The following MSH3 variants were observed in gnomAD, a reference collection of about 807,000 sequenced individuals.
MSH3 encodes DNA mismatch repair protein Msh3.
MSH3 carries 106 observed loss-of-function variants against 123.3 expected under a neutral mutation model. That is an observed-to-expected ratio of 0.86 (90% confidence interval 0.73 to 1.01). MSH3 has a LOEUF of 1.01. Ranked by LOEUF, MSH3 falls within the 50% of genes least tolerant of loss-of-function variation. MSH3 has a pLI of 0.00. For missense variants in MSH3, 1,459 were observed against 1,347.6 expected, an observed-to-expected ratio of 1.08 and a Z score of -1.29; for synonymous variants, 515 against 481.4, an observed-to-expected ratio of 1.07 and a Z score of -0.91.
chr5:80,812,935 A>G (rs971283951), intron 19 of MSH3, among the ~76,000 whole-genome samples: 2 of 152,218 alleles, frequency 1.3e-5, no homozygotes, highest in African/African-American at 4.8e-5. Flanking sequence ...GCCCTGGGCT[A>G]ACTCCTCTGC....
chr5:80,840,885 T>A (rs10039831), intron 20 of MSH3, among the ~76,000 whole-genome samples: 9,952 of 151,064 alleles, frequency 0.066, 438 homozygotes, highest in South Asian at 0.12. Flanking sequence ...GTGCCACATT[T>A]TTTTTTAAAT....
In MSH3 at chr5:80,873,224, G is replaced by T; in HGVS notation, c.3239G>T (p.Gly1080Val). The T allele has an allele frequency of 6.2e-7, 1 of 1,613,982 alleles. No homozygotes were observed. The highest frequency in any genetic ancestry group is 8.5e-7 in the Non-Finnish European group (1 of 1,179,952). The change falls in exon 23 of 24, where the codon GGA becomes GTA. Residue 1080 changes from glycine (G) to valine (V), a missense_variant. By Grantham distance (109) the Gly-to-Val change is moderately radical. Transcript: ENST00000265081. ...LNVAKLADVP[G>V]EILKKAAHKS... Reference sequence around the variant, plus strand: ...GTGGCTAAACTAGCAGATGTTCCTGGAGAAATTTTGAAGAAAGCAGCTCAC... The same window carrying T: ...GTGGCTAAACTAGCAGATGTTCCTGTAGAAATTTTGAAGAAAGCAGCTCAC...
intron 8 of MSH3, among the ~76,000 whole-genome samples, chr5:80,705,676 A>C (rs908506446): frequency 6.6e-6 from 1 of 152,206 alleles, no homozygotes; most frequent in Non-Finnish European, 1.5e-5. Context: ...CAAAGTATGA[A>C]CAGTATTGGC....
chr5:80,821,941 G>A (rs376179656), intron 20 of MSH3, among the ~76,000 whole-genome samples: 17 of 152,348 alleles, frequency 1.1e-4, no homozygotes, highest in East Asian at 5.8e-4. Context: ...GTGGCCTTGT[G>A]TCTTCTGCCG....
At chr5:80,838,649 A>AT (rs1283776879) in intron 20 of MSH3, among the ~76,000 whole-genome samples, 1 of 152,152 alleles carries the variant, frequency 6.6e-6, no homozygotes, top group Non-Finnish European at 1.5e-5. Context: ...GGATTAATAC[A>AT]TTCATGAAAA....
chr5:80,718,801 C>A (rs1479085519), intron 8 of MSH3, among the ~76,000 whole-genome samples: 1 of 152,034 alleles, frequency 6.6e-6, no homozygotes, highest in Non-Finnish European at 1.5e-5. Context: ...ATTATGAACC[C>A]AAGGGCCTAA....
At chr5:80,817,804 A>G (rs139974150) in intron 20 of MSH3, among the ~76,000 whole-genome samples, 8 of 152,300 alleles carry the variant, frequency 5.3e-5, no homozygotes, top group African/African-American at 1.9e-4. Flanking sequence ...CCCCTGATGT[A>G]ATAACAGATT....
intron 8 of MSH3, among the ~76,000 whole-genome samples, chr5:80,715,782 C>T (rs140442630): frequency 3.3e-4 from 50 of 152,150 alleles, no homozygotes; most frequent in African/African-American, 1.1e-3. Context: ...ACAACCAGAT[C>T]TCATGAGAAC....
rs1746300866 is a variant in MSH3, at chr5:80,875,884, CA to C, written c.*28del. On this transcript the variant is annotated 3_prime_UTR_variant, in exon 24 of 24. Coordinates refer to ENST00000265081, the MANE Select transcript of MSH3 (RefSeq NM_002439.5). ...TTAAAATGAAGACTACATTTGTGAACAAAAAATGGAGAATTAAAAATACCAA... is the reference window on the plus strand; with the variant it reads ...TTAAAATGAAGACTACATTTGTGAACAAAAATGGAGAATTAAAAATACCAA... The C allele has an allele frequency of 7.1e-7, 1 of 1,409,430 alleles. No individual in the cohort carries two copies. The highest frequency in any genetic ancestry group is 1.2e-5 in the South Asian group (1 of 85,956). 87.3% of individuals were successfully genotyped at this position (1,409,430 alleles called of 1,614,324 possible).
intron 19 of MSH3, among the ~76,000 whole-genome samples, chr5:80,797,903 C>T (rs1482811724): frequency 6.6e-6 from 1 of 152,086 alleles, no homozygotes; most frequent in Non-Finnish European, 1.5e-5. Flanking sequence ...GAAACCCCAG[C>T]GAACCCACTG....
intron 20 of MSH3, among the ~76,000 whole-genome samples, chr5:80,833,097 T>A (rs1745447793): frequency 6.6e-6 from 1 of 152,196 alleles, no homozygotes; most frequent in Non-Finnish European, 1.5e-5. Context: ...TCCACAATGC[T>A]TTATTAAGCT....
intron 10 of MSH3, among the ~76,000 whole-genome samples, chr5:80,731,185 G>C (rs1743405852): frequency 6.6e-6 from 1 of 152,060 alleles, no homozygotes; most frequent in South Asian, 2.1e-4. Flanking sequence ...TTACAGGTGT[G>C]AGCCACCGTG....
chr5:80,868,867 T>C lies in MSH3; in HGVS notation c.3130+3925T>C, dbSNP rs1274151149. ...ATTGAAAACCATTTCACTCAGAATTTTGAAGCAGTGCTCCACTGCCTGCTG... is the reference window on the plus strand; with the variant it reads ...ATTGAAAACCATTTCACTCAGAATTCTGAAGCAGTGCTCCACTGCCTGCTG... On this transcript the variant is annotated intron_variant, in intron 22 of 23. Transcript: ENST00000265081. Among the ~76,000 whole-genome samples the C allele has an allele frequency of 2.0e-5, 3 of 152,060 alleles. No individual in the cohort carries two copies. In the East Asian group the frequency reaches 5.8e-4, roughly 29 times the overall value.
At chr5:80,776,901 AT>A (rs1744312458) in intron 16 of MSH3, among the ~76,000 whole-genome samples, 1 of 145,940 alleles carries the variant, frequency 6.9e-6, no homozygotes, top group Non-Finnish European at 1.5e-5. Flanking sequence ...TATACAAAAA[AT>A]ATAATACAAA....
chr5:80,849,871 A>T lies in MSH3; in HGVS notation c.2814-4259A>T, dbSNP rs1245344560. On this transcript the variant is annotated intron_variant, in intron 20 of 23. Transcript: ENST00000265081. ...ATGCAAATTTCTGCACCTGGCTTGA[A>T]TTTCTCCTCAGAAAATGGGATTTTC... 2.6e-5 allele frequency among the ~76,000 whole-genome samples: 4 copies of T among 152,050 alleles called. No homozygotes were observed. The East Asian group carries it at 7.7e-4, about 29-fold the overall frequency.
intron 18 of MSH3, among the ~76,000 whole-genome samples, chr5:80,789,502 C>T (rs1449039225): frequency 2.6e-5 from 4 of 151,988 alleles, no homozygotes; most frequent in Non-Finnish European, 5.9e-5. Context: ...CCCTGAGTAG[C>T]TGAGATTACA....
chr5:80,780,147 A>G (rs73125416), intron 17 of MSH3, among the ~76,000 whole-genome samples: 17,280 of 152,242 alleles, frequency 0.11, 1,054 homozygotes, highest in African/African-American at 0.16. Context: ...AAGTCATGGC[A>G]TGCTGGCCAA....
At chr5:80,842,812 G>T (rs1158121746) in intron 20 of MSH3, among the ~76,000 whole-genome samples, 1 of 151,942 alleles carries the variant, frequency 6.6e-6, no homozygotes, top group Non-Finnish European at 1.5e-5. Context: ...GGGCTGAGAC[G>T]ATGGGGTTTT....
intron 18 of MSH3, among the ~76,000 whole-genome samples, chr5:80,788,715 A>G (rs1486428184): frequency 6.6e-6 from 1 of 150,928 alleles, no homozygotes; most frequent in Non-Finnish European, 1.5e-5. Context: ...GACACTGAGG[A>G]TTGCTTGAGC....
Sources: allele counts gnomAD v4.1 joint callset (sites outside exome capture counted in the v4.1 genomes callset), GRCh38; gene constraint gnomAD v4.1.1; transcripts MANE v1.5; gene names NCBI Gene and HGNC (gene_info 2026-07-23, HGNC 2026-07-21).